Variants in KCNG3 observed in about 807,000 individuals in gnomAD.
The protein encoded by KCNG3 is potassium voltage-gated channel modifier subfamily G member 3.
A neutral mutation model predicts 29.0 loss-of-function variants in KCNG3; 15 were observed. That is an observed-to-expected ratio of 0.52 (90% CI 0.35 to 0.80). The LOEUF (loss-of-function observed/expected upper bound fraction) is 0.80. Among genes scored for constraint, KCNG3 ranks in the 30% least tolerant of loss-of-function variants. The pLI, the probability that KCNG3 is intolerant of heterozygous loss-of-function variation, is 0.01. For synonymous variants in KCNG3, 322 were observed against 248.9 expected (o/e 1.29, Z -2.76); for missense variants, 512 against 605.7 (o/e 0.85, Z 1.62).
chr2:42,492,503 A>T (rs912114350), intron 1 of KCNG3, among the ~76,000 whole-genome samples: 2 of 152,252 alleles, frequency 1.3e-5, no homozygotes, highest in African/African-American at 4.8e-5. Flanking sequence ...TAACAATAAA[A>T]GTTCAGAAAA....
At chr2:42,460,876 G>C (rs1672998055) in intron 1 of KCNG3, among the ~76,000 whole-genome samples, 1 of 151,958 alleles carries the variant, frequency 6.6e-6, no homozygotes. Context: ...CTGATAAAAA[G>C]GTAGGCCAGG....
chr2:42,412,558 T>C, the KCNG3 span, among the ~76,000 whole-genome samples: 1 of 152,236 alleles, frequency 6.6e-6, no homozygotes, highest in East Asian at 1.9e-4. Flanking sequence ...TTGTTTTATA[T>C]ATTTTAACGC....
chr2:42,481,950 CTTG>C (rs1176965998), intron 1 of KCNG3, among the ~76,000 whole-genome samples: 3 of 152,154 alleles, frequency 2.0e-5, no homozygotes, highest in Non-Finnish European at 2.9e-5. Flanking sequence ...CTGGGTTTTT[CTTG>C]TTGTTGTTTT....
chr2:42,440,054 T>C (rs1445002812), downstream of KCNG3, among the ~76,000 whole-genome samples: 1 of 152,204 alleles, frequency 6.6e-6, no homozygotes, highest in Non-Finnish European at 1.5e-5. Context: ...TTCTGGGACC[T>C]AACCTGACAC....
chr2:42,489,524 G>T (rs571767070), intron 1 of KCNG3, among the ~76,000 whole-genome samples: 25 of 152,286 alleles, frequency 1.6e-4, no homozygotes, highest in Non-Finnish European at 2.9e-4. Context: ...TAACCATCAC[G>T]CTAAGAAGGA....
the KCNG3 span, among the ~76,000 whole-genome samples, chr2:42,429,806 T>C: frequency 6.6e-6 from 1 of 152,088 alleles, no homozygotes; most frequent in Non-Finnish European, 1.5e-5. Context: ...AATCAACCAG[T>C]GGACCTCGAG....
At chr2:42,488,716 A>C (rs1368410936) in intron 1 of KCNG3, among the ~76,000 whole-genome samples, 1 of 151,744 alleles carries the variant, frequency 6.6e-6, no homozygotes, top group South Asian at 2.1e-4. Flanking sequence ...CGCTCAGCTA[A>C]TTTTTGTATT....
the KCNG3 span, among the ~76,000 whole-genome samples, chr2:42,425,698 TA>T: frequency 1.3e-5 from 2 of 152,138 alleles, no homozygotes; most frequent in African/African-American, 4.8e-5. Flanking sequence ...TCGTGTTGAT[TA>T]ATGATATTCT....
intron 1 of KCNG3, among the ~76,000 whole-genome samples, chr2:42,478,507 A>C (rs1673498291): frequency 6.6e-6 from 1 of 152,140 alleles, no homozygotes; most frequent in Non-Finnish European, 1.5e-5. Context: ...CTAGGATTAC[A>C]GGTCTGAGTC....
intron 1 of KCNG3, among the ~76,000 whole-genome samples, chr2:42,483,809 C>T (rs1572865065): frequency 6.6e-6 from 1 of 152,038 alleles, no homozygotes; most frequent in African/African-American, 2.4e-5. Flanking sequence ...TCTTTCTTTT[C>T]GAGACAGGGT....
Position 42,466,753 on chromosome 2 carries a change from CT to C in KCNG3, c.666-22175del, listed in dbSNP as rs1553329192. 1.2e-3 allele frequency among the ~76,000 whole-genome samples: 160 copies of C among 134,228 alleles called. 1 individual carries two copies. Among genetic ancestry groups the C allele is most frequent in the South Asian group, 2.9e-3 (12 of 4,150 alleles). 88.1% of individuals were successfully genotyped at this position (134,228 alleles called of 152,430 possible). On this transcript the variant is annotated intron_variant, in intron 1 of 1. Transcript: ENST00000306078. ...GTGGCAAAAACTGCAAATACTCTTCCTTTTTTTTTTTTTTTTTGAGATGGAG... is the reference window on the plus strand; with the variant it reads ...GTGGCAAAAACTGCAAATACTCTTCCTTTTTTTTTTTTTTTTGAGATGGAG...
intron 1 of KCNG3, among the ~76,000 whole-genome samples, chr2:42,461,686 A>G (rs1041991957): frequency 6.6e-6 from 1 of 152,146 alleles, no homozygotes; most frequent in African/African-American, 2.4e-5. Flanking sequence ...CCCAATGTAC[A>G]TATATTTGCC....
intron 1 of KCNG3, among the ~76,000 whole-genome samples, chr2:42,472,306 A>G (rs1311524530): frequency 6.6e-6 from 1 of 152,222 alleles, no homozygotes; most frequent in African/African-American, 2.4e-5. Context: ...TGAACTAAAA[A>G]GGCAAGCTCT....
At chr2:42,474,904 C>T (rs1282505666) in intron 1 of KCNG3, among the ~76,000 whole-genome samples, 2 of 152,152 alleles carry the variant, frequency 1.3e-5, no homozygotes, top group African/African-American at 4.8e-5. Context: ...CTGCCTTACT[C>T]CAGTGGCAGC....
the KCNG3 span, among the ~76,000 whole-genome samples, chr2:42,402,825 G>A: frequency 1.1e-4 from 16 of 152,180 alleles, no homozygotes; most frequent in East Asian, 3.1e-3. Context: ...TTGATTTCTG[G>A]TACTAATTCT....
chr2:42,392,767 G>A, the KCNG3 span, among the ~76,000 whole-genome samples: 12 of 152,092 alleles, frequency 7.9e-5, no homozygotes, highest in East Asian at 1.9e-4. Context: ...TCGTCTGGAC[G>A]CAATGATCTA....
At chr2:42,434,405 G>C in the KCNG3 span, among the ~76,000 whole-genome samples, 1 of 123,782 alleles carries the variant, frequency 8.1e-6, no homozygotes, top group Non-Finnish European at 1.6e-5. Context: ...GTTGCAATGA[G>C]GAGTGATCAG....
chr2:42,449,622 A>G (rs1018604002), intron 1 of KCNG3, among the ~76,000 whole-genome samples: 2 of 150,664 alleles, frequency 1.3e-5, no homozygotes, highest in Non-Finnish European at 2.9e-5. Context: ...GACTCAAGCA[A>G]TTCTCCTGCC....
the KCNG3 span, among the ~76,000 whole-genome samples, chr2:42,407,942 C>A: frequency 1.3e-5 from 2 of 152,340 alleles, no homozygotes; most frequent in Admixed American, 1.3e-4. Context: ...CCCCACCTGA[C>A]CTTGCAGGCT....
Sources: gnomAD v4.1 joint callset for allele counts (sites outside exome capture counted in the v4.1 genomes callset) on GRCh38, gnomAD v4.1.1 for gene constraint, MANE v1.5 for transcripts, NCBI Gene and HGNC (gene_info 2026-07-23, HGNC 2026-07-21) for gene names.